The following GBF1 variants were observed in gnomAD, a reference collection of about 807,000 sequenced individuals.
GBF1 encodes golgi brefeldin A resistant guanine nucleotide exchange factor 1.
A neutral mutation model predicts 210.5 loss-of-function variants in GBF1; 114 were observed. The ratio of observed to expected loss-of-function variants is 0.54; its 90% CI spans 0.47 to 0.63. The LOEUF (loss-of-function observed/expected upper bound fraction) is 0.63, where lower values mean the gene tolerates loss of function less well. Among genes scored for constraint, GBF1 ranks in the 30% least tolerant of loss-of-function variants. The probability of loss-of-function intolerance (pLI) is 0.00; values close to 1 mark genes in which losing one functional copy is unlikely to be tolerated. For missense variants in GBF1, 1,851 were observed against 2,357.7 expected, an observed-to-expected ratio of 0.79 and a Z score of 4.45; for synonymous variants, 850 against 889.2, an observed-to-expected ratio of 0.96 and a Z score of 0.78.
Position 102,368,375 on chromosome 10 carries a change from C to G in GBF1, c.2800C>G (p.Pro934Ala). Residue 934 changes from proline (P) to alanine (A), a missense_variant, in exon 22 of 40, where the codon CCC becomes GCC. Coordinates refer to ENST00000369983, the MANE Select transcript of GBF1 (RefSeq NM_001377137.1). ...TGACCTCTTCACCATGACCTGGGGC[C>G]CCACTATTGCTGCTCTCTCTTATGT... Reference protein sequence around the residue: ...DLDLFTMTWGPTIAALSYVFD... With the variant: ...DLDLFTMTWGATIAALSYVFD... 3 of 1,614,038 alleles carry G rather than the reference C, an allele frequency of 1.9e-6. No homozygotes were observed. Among genetic ancestry groups the G allele is most frequent in the Non-Finnish European group, 2.5e-6 (3 of 1,179,906 alleles).
In GBF1 at chr10:102,290,930, T is replaced by G. The variant is rs553180592; in HGVS notation, c.163+30814T>G. 2.0e-5 allele frequency among the ~76,000 whole-genome samples: 3 copies of G among 152,372 alleles called. No individual in the cohort carries two copies. In the South Asian group the frequency reaches 6.2e-4, roughly 32 times the overall value. On this transcript the variant is annotated intron_variant, in intron 3 of 39. Coordinates refer to ENST00000369983, the MANE Select transcript of GBF1 (RefSeq NM_001377137.1). ...AATTTTGCTAATTTAATTGACAAAGTGATGCTTTTATAATTTGTTTCACAT... is the reference window on the plus strand; with the variant it reads ...AATTTTGCTAATTTAATTGACAAAGGGATGCTTTTATAATTTGTTTCACAT...
At chr10:102,309,305 C>T in intron 3 of GBF1, among the ~76,000 whole-genome samples, 1 of 152,172 alleles carries the variant, frequency 6.6e-6, no homozygotes. Flanking sequence ...CCTTCAGAGT[C>T]ACTCTTGAAT....
intron 33 of GBF1, among the ~76,000 whole-genome samples, chr10:102,378,639 AATAAAAT>A (rs138414208): frequency 0.013 from 1,996 of 152,204 alleles, 36 homozygotes; most frequent in African/African-American, 0.046. Context: ...TGTCTCAAAA[AATAAAAT>A]AAGAAATAAA....
intron 1 of GBF1, among the ~76,000 whole-genome samples, chr10:102,258,604 T>G (rs1336240842): frequency 6.6e-5 from 10 of 150,378 alleles, no homozygotes; most frequent in Non-Finnish European, 1.3e-4. Flanking sequence ...AAACCCCGTC[T>G]CTTCTAAAAA....
chr10:102,241,299 T>A (rs1181241257), upstream of GBF1: 1 of 152,660 alleles, frequency 6.6e-6, no homozygotes, highest in Non-Finnish European at 1.5e-5. This position sits in a 1 kb window ranked among gnomAD's most constrained non-coding sequence, Gnocchi z 6.7. Flanking sequence ...CTCGGCCCCA[T>A]GAGCCCCTGT....
At chr10:102,351,533 C>T (rs1017143885) in intron 5 of GBF1, among the ~76,000 whole-genome samples, 159 bp downstream of exon 5, 17 of 152,172 alleles carry the variant, frequency 1.1e-4, no homozygotes, top group Non-Finnish European at 2.1e-4. Context: ...AAAGTAAAAG[C>T]TTTTTCTAAG....
Position 102,360,332 on chromosome 10 carries a change from T to C in GBF1, c.1329T>C (p.Pro443=). ...TGACAGTGGCCCTTGAGTCAGCCCC[T>C]GTAGCCCAGTGCCAGACCCTCTTGG... The part of the protein sequence containing the change: ...HLLTVALESA[P]VAQCQTLLGL... Residue 443 remains proline, a synonymous_variant, in exon 12 of 40, where the codon CCT becomes CCC. Coordinates refer to ENST00000369983, the MANE Select transcript of GBF1 (RefSeq NM_001377137.1). 6.2e-7 allele frequency: 1 copy of C among 1,613,950 alleles called. No homozygotes were observed.
At chr10:102,346,783 G>A (rs2058604714) in intron 4 of GBF1, among the ~76,000 whole-genome samples, 2 of 152,156 alleles carry the variant, frequency 1.3e-5, no homozygotes, top group South Asian at 2.1e-4. Context: ...CTAGGATTAC[G>A]GATGTGAGCC....
At chr10:102,240,365 G>C in the GBF1 span, among the ~76,000 whole-genome samples, 1 of 152,204 alleles carries the variant, frequency 6.6e-6, no homozygotes, top group Non-Finnish European at 1.5e-5. Flanking sequence ...GAATTGAAGG[G>C]GGCATGTGTC....
chr10:102,256,788 A>C (rs777107213), intron 1 of GBF1, among the ~76,000 whole-genome samples: 6 of 152,218 alleles, frequency 3.9e-5, no homozygotes, highest in Admixed American at 6.5e-5. Flanking sequence ...CTGGGATTAC[A>C]GGCATGAGCC....
chr10:102,318,822 T>C (rs1397175035), intron 3 of GBF1, among the ~76,000 whole-genome samples: 1 of 152,228 alleles, frequency 6.6e-6, no homozygotes, highest in African/African-American at 2.4e-5. Flanking sequence ...CTCCTACATG[T>C]AGATATAGCA....
chr10:102,356,369 A>G (rs1420330755), intron 8 of GBF1, among the ~76,000 whole-genome samples: 2 of 152,226 alleles, frequency 1.3e-5, no homozygotes, highest in African/African-American at 2.4e-5. Context: ...TGCCCAATCC[A>G]GGAATGGTCC....
chr10:102,238,869 C>T, the GBF1 span, among the ~76,000 whole-genome samples: 2 of 152,190 alleles, frequency 1.3e-5, no homozygotes, highest in African/African-American at 2.4e-5. Flanking sequence ...ATGTGCTGAT[C>T]CTTCCAAACC....
In GBF1 at chr10:102,293,764, GTTTTGTGTTTT is replaced by G. The variant is rs1432827064; in HGVS notation, c.163+33653_163+33663del. On this transcript the variant is annotated intron_variant, in intron 3 of 39. Coordinates refer to ENST00000369983, the MANE Select transcript of GBF1 (RefSeq NM_001377137.1). The stretch of plus-strand genomic sequence containing the variant: ...AAAATATTTTGTACAGCTGTAGTAT[GTTTTGTGTTTT>G]TTTTTTTTTTTTTTTTTTTTGAGAT... Among the ~76,000 whole-genome samples the G allele has an allele frequency of 6.4e-3, 325 of 50,890 alleles. 21 individuals carry two copies. Among genetic ancestry groups the G allele is most frequent in the African/African-American group, 0.013 (231 of 17,516 alleles). The allele number at this position is 50,890 out of a possible 152,430, so 33.4% of individuals were successfully genotyped here.
chr10:102,373,156 C>G (rs1311222797), intron 29 of GBF1, among the ~76,000 whole-genome samples: 1 of 152,160 alleles, frequency 6.6e-6, no homozygotes, highest in Non-Finnish European at 1.5e-5. Context: ...CAAAACACAA[C>G]AGTGATAAAA....
chr10:102,258,150 A>ATTTTTTTTTTTTTTTTTTTTTTTTTTTTT (rs60505807), intron 1 of GBF1, among the ~76,000 whole-genome samples: 1 of 96,932 alleles, frequency 1.0e-5, no homozygotes, highest in Non-Finnish European at 2.0e-5. Flanking sequence ...AGTATTACAG[A>ATTTTTTTTTTTTTTTTTTTTTTTTTTTTT]TTTTTTTTTT....
At chr10:102,255,920 C>G (rs187192575) in intron 1 of GBF1, among the ~76,000 whole-genome samples, 2 of 152,274 alleles carry the variant, frequency 1.3e-5, no homozygotes, top group Admixed American at 1.3e-4. Flanking sequence ...CCCTTGTGGA[C>G]TGGGGAGCTG....
intron 3 of GBF1, among the ~76,000 whole-genome samples, chr10:102,341,897 C>T (rs1175625756): frequency 6.6e-6 from 1 of 152,080 alleles, no homozygotes; most frequent in Non-Finnish European, 1.5e-5. Flanking sequence ...CTGTACCTGT[C>T]CCGATTCTCA....
upstream of GBF1, among the ~76,000 whole-genome samples, chr10:102,244,596 C>T (rs1458171283): frequency 6.6e-6 from 1 of 152,218 alleles, no homozygotes; most frequent in Non-Finnish European, 1.5e-5. Context: ...AGAAAGACTT[C>T]TGTTTCCTAT....
Sources: allele counts gnomAD v4.1 joint callset (sites outside exome capture counted in the v4.1 genomes callset), GRCh38; gene constraint gnomAD v4.1.1; non-coding constraint Gnocchi (gnomAD v3.1); transcripts MANE v1.5; gene names NCBI Gene and HGNC (gene_info 2026-07-23, HGNC 2026-07-21).